The following ABCE1 variants were observed in gnomAD, a reference collection of about 807,000 sequenced individuals.
The protein encoded by ABCE1 is ATP binding cassette subfamily E member 1, also known as ATP-binding cassette sub-family E member 1.
In ABCE1, 22 loss-of-function variants were observed where a neutral mutation model predicts 83.4. That is an observed-to-expected ratio of 0.26 (90% CI 0.19 to 0.38). The LOEUF (loss-of-function observed/expected upper bound fraction) is 0.38. Among genes scored for constraint, ABCE1 ranks in the 10% least tolerant of loss-of-function variants. ABCE1 has a pLI of 1.00. For synonymous variants in ABCE1, 204 were observed against 233.7 expected (o/e 0.87, Z 1.16); for missense variants, 330 against 721.9 (o/e 0.46, Z 6.22).
chr4:145,120,870 T>G, intron 11 of ABCE1: 1 of 288,042 alleles, frequency 3.5e-6, no homozygotes, highest in Non-Finnish European at 6.5e-6. Flanking sequence ...ATAAATTGTG[T>G]GCCCTGATAA....
At chr4:145,109,734 AGT>A (rs34008110) in intron 5 of ABCE1, among the ~76,000 whole-genome samples, 10 of 152,318 alleles carry the variant, frequency 6.6e-5, no homozygotes, top group African/African-American at 2.4e-4. Context: ...ATAAATCATA[AGT>A]GTATTTTGCT....
At chr4:145,117,258 T>G (rs1008409184) in intron 9 of ABCE1, 35 bp from the exon 10 acceptor site, 12 of 1,559,912 alleles carry the variant, frequency 7.7e-6, no homozygotes, top group South Asian at 1.2e-5. Context: ...AATAGTTATG[T>G]AAGAGTTTTA....
chr4:145,110,920 T>G, intron 7 of ABCE1, 48 bp from the exon 8 acceptor site: 1 of 1,292,856 alleles, frequency 7.7e-7, no homozygotes, highest in Non-Finnish European at 1.1e-6. Context: ...ACTTTTTACC[T>G]GGAAGAGGTG....
rs960903809 is a variant in ABCE1, at chr4:145,109,942, T to C, written c.406-161T>C. 2.6e-5 allele frequency among the ~76,000 whole-genome samples: 4 copies of C among 152,322 alleles called. No homozygotes were observed. In the East Asian group the frequency reaches 7.7e-4, roughly 29 times the overall value. ...CTGTTCTGTTTTCTTTCTTTGCTGCTATAGGGAAATGAGACTTTTATTAAT... is the reference window on the plus strand; with the variant it reads ...CTGTTCTGTTTTCTTTCTTTGCTGCCATAGGGAAATGAGACTTTTATTAAT... On this transcript the variant is annotated intron_variant, in intron 5 of 17. Coordinates refer to ENST00000296577, the MANE Select transcript of ABCE1 (RefSeq NM_002940.3).
At chr4:145,115,314 C>T (rs1216162754) in intron 9 of ABCE1, among the ~76,000 whole-genome samples, 1 of 151,872 alleles carries the variant, frequency 6.6e-6, no homozygotes, top group Non-Finnish European at 1.5e-5. Flanking sequence ...ATACAATGCT[C>T]CCTCACACTG....
chr4:145,114,753 A>C (rs576563401), intron 9 of ABCE1, among the ~76,000 whole-genome samples: 4 of 152,034 alleles, frequency 2.6e-5, no homozygotes, highest in Non-Finnish European at 4.4e-5. Flanking sequence ...TGTAATAGGG[A>C]TAACATGGTA....
intron 1 of ABCE1, among the ~76,000 whole-genome samples, chr4:145,100,913 C>G (rs2126696756): frequency 6.6e-6 from 1 of 152,156 alleles, no homozygotes; most frequent in East Asian, 1.9e-4. Flanking sequence ...GTGCTAGGCA[C>G]AGGTTCAGCC....
chr4:145,122,971 G>A lies in ABCE1; in HGVS notation c.1264-50G>A, dbSNP rs761822269. On this transcript the variant is annotated intron_variant, in intron 13 of 17. Transcript: ENST00000296577. ...TTTGTCAAGATTCATAAATAGAAGAGTTCTATAGTGAAAGTTTATCATTTA... is the reference window on the plus strand; with the variant it reads ...TTTGTCAAGATTCATAAATAGAAGAATTCTATAGTGAAAGTTTATCATTTA... The A allele has an allele frequency of 3.1e-6, 4 of 1,279,366 alleles. No individual in the cohort carries two copies. In the Admixed American group the frequency reaches 8.8e-5, roughly 28 times the overall value. The allele number at this position is 1,279,366 out of a possible 1,614,324, so 79.3% of individuals were successfully genotyped here.
chr4:145,113,086 A>G (rs1387233283), intron 9 of ABCE1, among the ~76,000 whole-genome samples: 2 of 152,202 alleles, frequency 1.3e-5, no homozygotes, highest in African/African-American at 2.4e-5. Context: ...AAACTAAAGC[A>G]TTAGAACTAT....
chr4:145,123,660 A>G, intron 16 of ABCE1, 60 bp downstream of exon 16: 2 of 1,471,134 alleles, frequency 1.4e-6, no homozygotes, highest in Non-Finnish European at 1.8e-6. Context: ...GTAAATAGTA[A>G]AGTCACTCAC....
At chr4:145,110,696 C>T (rs1001066749) in intron 7 of ABCE1, 2 of 539,274 alleles carry the variant, frequency 3.7e-6, no homozygotes, top group South Asian at 2.5e-5. Flanking sequence ...AGGCTGGTCT[C>T]GAACTCCCAC....
chr4:145,108,441 A>G (rs538488375), intron 4 of ABCE1, among the ~76,000 whole-genome samples: 5 of 152,192 alleles, frequency 3.3e-5, no homozygotes, highest in African/African-American at 4.8e-5. Context: ...TGTTCCTAGT[A>G]CCCTTATCCC....
At chr4:145,126,150 TGTA>T (rs1027701879) in intron 17 of ABCE1, among the ~76,000 whole-genome samples, 5 of 152,224 alleles carry the variant, frequency 3.3e-5, no homozygotes, top group African/African-American at 1.2e-4. Context: ...TTTTTGTCTT[TGTA>T]GTTCACAGTT....
intron 1 of ABCE1, among the ~76,000 whole-genome samples, chr4:145,098,719 C>T (rs1488156891): frequency 6.6e-6 from 1 of 152,228 alleles, no homozygotes; most frequent in African/African-American, 2.4e-5. Context: ...CTTTACCCCA[C>T]TCCCGCCCTG....
intron 9 of ABCE1, among the ~76,000 whole-genome samples, chr4:145,116,561 A>T (rs898610890): frequency 3.3e-5 from 5 of 151,940 alleles, no homozygotes; most frequent in African/African-American, 1.2e-4. Context: ...TTTGCAGGAC[A>T]TTTTTTTAAC....
intron 3 of ABCE1, among the ~76,000 whole-genome samples, chr4:145,106,002 A>T (rs1379677012): frequency 1.3e-5 from 2 of 151,932 alleles, no homozygotes; most frequent in African/African-American, 4.8e-5. Flanking sequence ...GTCTGTATTG[A>T]ATTTTAAATT....
At chr4:145,123,160 T>C in intron 14 of ABCE1, 29 bp downstream of exon 14, 1 of 1,582,210 alleles carries the variant, frequency 6.3e-7, no homozygotes, top group Non-Finnish European at 8.5e-7. Flanking sequence ...TTTTATTTTT[T>C]TATTATTTTG....
rs531844866 is a variant in ABCE1 at position 145,126,477 on chromosome 4, G to T, written c.1753-1049G>T. 1.3e-4 allele frequency among the ~76,000 whole-genome samples: 19 copies of T among 151,992 alleles called. No individual in the cohort carries two copies. The East Asian group carries it at 1.4e-3, about 11-fold the overall frequency. Reference sequence around the variant, plus strand: ...CCCGACTAATTTTCTGTATTTTTTTGATAGAGATGGGGTTTCACCATCTTG... The same window carrying T: ...CCCGACTAATTTTCTGTATTTTTTTTATAGAGATGGGGTTTCACCATCTTG... On this transcript the variant is annotated intron_variant, in intron 17 of 17. Coordinates refer to ENST00000296577, the MANE Select transcript of ABCE1 (RefSeq NM_002940.3).
Position 145,101,828 on chromosome 4 carries a change from T to C in ABCE1, c.-27-2558T>C, listed in dbSNP as rs538075684. 2.7e-3 allele frequency among the ~76,000 whole-genome samples: 416 copies of C among 152,270 alleles called. 2 individuals are homozygous for C. The highest frequency in any genetic ancestry group is 0.01 in the Middle Eastern group (3 of 294). ...GGATATCAGGAGCTTAGTTGGGAGA[T>C]TCCTCTTAAGCCTTCCAGAGATGTT... On this transcript the variant is annotated intron_variant, in intron 1 of 17. Coordinates refer to ENST00000296577, the MANE Select transcript of ABCE1 (RefSeq NM_002940.3).
Sources: gnomAD v4.1 joint callset for allele counts (sites outside exome capture counted in the v4.1 genomes callset) on GRCh38, gnomAD v4.1.1 for gene constraint, MANE v1.5 for transcripts, NCBI Gene and HGNC (gene_info 2026-07-23, HGNC 2026-07-21) for gene names.